THSD7A: variants seen among roughly 807,000 people sequenced by gnomAD.
The protein encoded by THSD7A is thrombospondin type-1 domain-containing protein 7A.
A neutral mutation model predicts 231.3 loss-of-function variants in THSD7A; 96 were observed. The observed-to-expected ratio is 0.41, with a 90% CI of 0.35 to 0.49. The LOEUF (loss-of-function observed/expected upper bound fraction) is 0.49. Among genes scored for constraint, THSD7A ranks in the 20% least tolerant of loss-of-function variants. The probability of loss-of-function intolerance (pLI) is 0.05; values close to 1 mark genes in which losing one functional copy is unlikely to be tolerated. For missense variants in THSD7A, 2,290 were observed against 2,070.2 expected (o/e 1.11, Z -2.06); for synonymous variants, 940 against 743.3 (o/e 1.26, Z -4.30).
chr7:11,470,212 C>T (rs141823202), intron 8 of THSD7A, among the ~76,000 whole-genome samples: 229 of 152,204 alleles, frequency 1.5e-3, no homozygotes, highest in African/African-American at 5.3e-3. Flanking sequence ...GAAAGATGTG[C>T]AGATTTACTA....
chr7:11,659,899 C>T (rs1228710926), intron 1 of THSD7A, among the ~76,000 whole-genome samples: 1 of 151,424 alleles, frequency 6.6e-6, no homozygotes, highest in Admixed American at 6.6e-5. Flanking sequence ...GATCCAGTAA[C>T]CAGGACATTG....
intron 4 of THSD7A, among the ~76,000 whole-genome samples, chr7:11,548,798 A>C (rs1297946979): frequency 6.6e-6 from 1 of 151,982 alleles, no homozygotes; most frequent in South Asian, 2.1e-4. Context: ...TTGACTCAGC[A>C]TCACTTCATG....
intron 2 of THSD7A, among the ~76,000 whole-genome samples, chr7:11,622,538 A>G (rs535064916): frequency 6.6e-6 from 1 of 152,236 alleles, no homozygotes; most frequent in African/African-American, 2.4e-5. Context: ...AGGCCATCTG[A>G]ATCTGATGCT....
chr7:11,616,118 A>C (rs1027864941), intron 2 of THSD7A, among the ~76,000 whole-genome samples: 4 of 152,176 alleles, frequency 2.6e-5, no homozygotes, highest in Admixed American at 2.6e-4. Flanking sequence ...GTTATATACT[A>C]AAGTTTTAAA....
chr7:11,593,940 T>C (rs1474553263), intron 2 of THSD7A, among the ~76,000 whole-genome samples: 3 of 152,174 alleles, frequency 2.0e-5, no homozygotes, highest in Non-Finnish European at 4.4e-5. Flanking sequence ...GATTGAAGCA[T>C]GCAAAGTATT....
At chr7:11,765,459 T>A (rs539394898) in intron 1 of THSD7A, among the ~76,000 whole-genome samples, 6 of 152,324 alleles carry the variant, frequency 3.9e-5, no homozygotes, top group Non-Finnish European at 7.4e-5. Flanking sequence ...AATAACAAAT[T>A]GTACAGGTCA....
At chr7:11,520,937 G>A (rs780185707) in intron 6 of THSD7A, among the ~76,000 whole-genome samples, 3 of 152,164 alleles carry the variant, frequency 2.0e-5, no homozygotes, top group Non-Finnish European at 4.4e-5. Flanking sequence ...GGATCAATAT[G>A]CAGACCACCA....
chr7:11,481,513 T>C (rs1786422771), intron 7 of THSD7A, among the ~76,000 whole-genome samples: 1 of 152,084 alleles, frequency 6.6e-6, no homozygotes, highest in African/African-American at 2.4e-5. Flanking sequence ...GGCCTAACAC[T>C]TTGGTTTACA....
intron 6 of THSD7A, among the ~76,000 whole-genome samples, chr7:11,502,366 A>T (rs1787371659): frequency 1.3e-5 from 2 of 152,186 alleles, no homozygotes; most frequent in Admixed American, 6.5e-5. Context: ...TCCTTGATGA[A>T]CATCGATGCA....
At chr7:11,382,327 T>C (rs1280838214) in intron 24 of THSD7A, among the ~76,000 whole-genome samples, 194 bp downstream of exon 24, 2 of 152,194 alleles carry the variant, frequency 1.3e-5, no homozygotes, top group Non-Finnish European at 2.9e-5. Context: ...AGGTGAGAGA[T>C]AATTTGAACC....
At chr7:11,649,197 G>C (rs1019650046) in intron 1 of THSD7A, among the ~76,000 whole-genome samples, 15 of 152,010 alleles carry the variant, frequency 9.9e-5, no homozygotes, top group Non-Finnish European at 1.5e-5. Flanking sequence ...GTTTTGAAAA[G>C]GAAATGAGAC....
intron 4 of THSD7A, among the ~76,000 whole-genome samples, chr7:11,568,483 G>C (rs11771659): frequency 2.6e-5 from 4 of 151,824 alleles, no homozygotes; most frequent in African/African-American, 9.7e-5. Flanking sequence ...AAATTGGCCA[G>C]GTGTGGTGGC....
intron 4 of THSD7A, among the ~76,000 whole-genome samples, chr7:11,560,883 G>C (rs1383748978): frequency 6.6e-6 from 1 of 152,152 alleles, no homozygotes; most frequent in African/African-American, 2.4e-5. Flanking sequence ...GTTTCCACTT[G>C]TGAATGGAGA....
chr7:11,738,259 T>G (rs926041849), intron 1 of THSD7A, among the ~76,000 whole-genome samples: 1 of 151,964 alleles, frequency 6.6e-6, no homozygotes, highest in Non-Finnish European at 1.5e-5. Context: ...AATGCTCCAG[T>G]CAGTATTTCC....
intron 1 of THSD7A, among the ~76,000 whole-genome samples, chr7:11,752,117 C>T (rs113318163): frequency 4.2e-4 from 64 of 152,152 alleles, no homozygotes; most frequent in African/African-American, 1.2e-3. Flanking sequence ...CACCAGCTGG[C>T]GATTTCTGGT....
chr7:11,611,884 A>ATCTG (rs1299496414), intron 2 of THSD7A, among the ~76,000 whole-genome samples: 8 of 143,222 alleles, frequency 5.6e-5, no homozygotes, highest in South Asian at 2.2e-4. Context: ...CTATCTATCT[A>ATCTG]TCTGTCTATC....
At chr7:11,677,498 G>A (rs960358486) in intron 1 of THSD7A, among the ~76,000 whole-genome samples, 2 of 143,550 alleles carry the variant, frequency 1.4e-5, no homozygotes, top group Non-Finnish European at 1.5e-5. Context: ...TCAGTGTGCT[G>A]TATTCAGGAG....
At chr7:11,602,573 C>G (rs1262809616) in intron 2 of THSD7A, among the ~76,000 whole-genome samples, 1 of 151,826 alleles carries the variant, frequency 6.6e-6, no homozygotes, top group Non-Finnish European at 1.5e-5. Flanking sequence ...AGATAAATAG[C>G]CTTTTTTTGT....
At chr7:11,711,115 A>C (rs1185621626) in intron 1 of THSD7A, among the ~76,000 whole-genome samples, 1 of 150,952 alleles carries the variant, frequency 6.6e-6, no homozygotes, top group East Asian at 2.0e-4. Flanking sequence ...GGACCACTAA[A>C]AAGTACTGGG....
Sources: allele counts gnomAD v4.1 joint callset (sites outside exome capture counted in the v4.1 genomes callset), GRCh38; gene constraint gnomAD v4.1.1; transcripts MANE v1.5; gene names NCBI Gene and HGNC (gene_info 2026-07-23, HGNC 2026-07-21).